The following RAPGEF4 variants were observed in gnomAD, a reference collection of about 807,000 sequenced individuals.
RAPGEF4 encodes the protein Rap guanine nucleotide exchange factor 4.
Under a neutral mutation model 147.9 loss-of-function variants are expected in RAPGEF4, and 66 were observed. That is an observed-to-expected ratio of 0.45 (90% CI 0.37 to 0.55). RAPGEF4 has a LOEUF of 0.55. Among genes scored for constraint, RAPGEF4 ranks in the 20% least tolerant of loss-of-function variants. The pLI, the probability that RAPGEF4 is intolerant of heterozygous loss-of-function variation, is 0.00. For missense variants in RAPGEF4, 1,071 were observed against 1,257.3 expected, an observed-to-expected ratio of 0.85 and a Z score of 2.24; for synonymous variants, 419 against 442.7, an observed-to-expected ratio of 0.95 and a Z score of 0.67.
intron 7 of RAPGEF4, 147 bp from the exon 8 acceptor site, chr2:172,960,975 C>A: frequency 2.4e-6 from 2 of 817,014 alleles, no homozygotes. Flanking sequence ...AGTGACATAT[C>A]ACACAAGTGA....
intron 22 of RAPGEF4, among the ~76,000 whole-genome samples, 160 bp downstream of exon 22, chr2:173,018,962 G>C (rs777036289): frequency 4.6e-5 from 7 of 152,172 alleles, no homozygotes; most frequent in Non-Finnish European, 1.0e-4. Context: ...GGGTAGAGGT[G>C]GGTTGGGTTT....
intron 4 of RAPGEF4, among the ~76,000 whole-genome samples, chr2:172,865,951 T>C (rs985994868): frequency 6.6e-6 from 1 of 152,164 alleles, no homozygotes; most frequent in Non-Finnish European, 1.5e-5. Context: ...AAGAGGTTTT[T>C]CCTCCCGTGA....
intron 1 of RAPGEF4, among the ~76,000 whole-genome samples, chr2:172,753,143 A>G (rs562361717): frequency 1.3e-5 from 2 of 152,302 alleles, no homozygotes; most frequent in East Asian, 3.9e-4. Context: ...ACAGGAATAA[A>G]AAATGGACAT....
At chr2:173,034,190 A>G (rs577301693) in intron 27 of RAPGEF4, among the ~76,000 whole-genome samples, 1 of 152,348 alleles carries the variant, frequency 6.6e-6, no homozygotes, top group South Asian at 2.1e-4. Flanking sequence ...AATTTGTATA[A>G]CTAAGAAAAG....
chr2:172,971,846 A>G (rs1039945272), intron 10 of RAPGEF4, among the ~76,000 whole-genome samples: 28 of 152,156 alleles, frequency 1.8e-4, no homozygotes, highest in Non-Finnish European at 2.9e-4. Flanking sequence ...AAGAATTGCC[A>G]GTATCATTGT....
At chr2:173,033,398 A>G (rs1312748883) in intron 26 of RAPGEF4, among the ~76,000 whole-genome samples, 2 of 152,182 alleles carry the variant, frequency 1.3e-5, no homozygotes, top group Non-Finnish European at 2.9e-5. Flanking sequence ...AGGGAGTACT[A>G]TGTACCCAGT....
intron 30 of RAPGEF4, 26 bp downstream of exon 30, chr2:173,048,680 C>A: frequency 6.2e-7 from 1 of 1,614,038 alleles, no homozygotes; most frequent in Non-Finnish European, 8.5e-7. Context: ...CCACCTCTTA[C>A]AATGTAGATG....
intron 4 of RAPGEF4, among the ~76,000 whole-genome samples, chr2:172,852,526 A>C (rs889469409): frequency 6.6e-6 from 1 of 152,138 alleles, no homozygotes. Flanking sequence ...TACTAGTGTT[A>C]CCCTGTTTCA....
At position 172,983,530 on chromosome 2, in the gene RAPGEF4, A is replaced by T. The variant is rs769467653; in HGVS notation, c.1039A>T (p.Ile347Phe). 1 of 1,612,048 alleles carries T rather than the reference A, an allele frequency of 6.2e-7. No homozygotes were observed. Among genetic ancestry groups the T allele is most frequent in the Non-Finnish European group, 8.5e-7 (1 of 1,179,784 alleles). The change falls in exon 11 of 31, where the codon ATC (isoleucine) becomes TTC (phenylalanine). Residue 347 changes from isoleucine to phenylalanine, a missense_variant. Physicochemically the swap from Ile to Phe is conservative, Grantham distance 21. Coordinates refer to ENST00000397081, the MANE Select transcript of RAPGEF4 (RefSeq NM_007023.4). ...GQRTVDDLEI[I>F]YEELLHIKAL... is the part of the protein sequence containing the mutation. The stretch of plus-strand genomic sequence containing the variant: ...GAGGACTGTGGATGACCTAGAGATT[A>T]TCTATGAGGAGCTTCTTCATATTAA...
intron 10 of RAPGEF4, among the ~76,000 whole-genome samples, chr2:172,967,962 T>C (rs540110949): frequency 2.0e-5 from 3 of 152,318 alleles, no homozygotes; most frequent in South Asian, 4.2e-4. Context: ...AAGGCCCCCA[T>C]TGAGCCACTG....
At chr2:172,784,187 C>T (rs1037614498) in intron 1 of RAPGEF4, among the ~76,000 whole-genome samples, 4 of 152,086 alleles carry the variant, frequency 2.6e-5, no homozygotes, top group South Asian at 2.1e-4. Flanking sequence ...GTACTTTATT[C>T]GCCTGTCATA....
chr2:172,922,054 C>T (rs778612063), intron 5 of RAPGEF4, among the ~76,000 whole-genome samples: 8 of 152,136 alleles, frequency 5.3e-5, no homozygotes, highest in Non-Finnish European at 1.2e-4. Context: ...GCAAAATAAG[C>T]CTGGGTTTTG....
intron 4 of RAPGEF4, among the ~76,000 whole-genome samples, chr2:172,835,523 C>T (rs1333489613): frequency 1.3e-5 from 2 of 152,108 alleles, no homozygotes; most frequent in Non-Finnish European, 2.9e-5. Context: ...GAAGTTTGTA[C>T]CTCAGTTTTC....
intron 3 of RAPGEF4, among the ~76,000 whole-genome samples, chr2:172,810,359 T>C (rs1193467171): frequency 1.3e-5 from 2 of 152,238 alleles, no homozygotes; most frequent in Admixed American, 1.3e-4. Context: ...CATTATCTCA[T>C]TCACCTGTTG....
chr2:172,738,796 G>C (rs1228590138), intron 1 of RAPGEF4, among the ~76,000 whole-genome samples: 1 of 152,110 alleles, frequency 6.6e-6, no homozygotes, highest in Non-Finnish European at 1.5e-5. Flanking sequence ...CCTCATTCAA[G>C]TGACAACTGT....
At chr2:172,866,454 T>C (rs1694658430) in intron 4 of RAPGEF4, among the ~76,000 whole-genome samples, 1 of 152,200 alleles carries the variant, frequency 6.6e-6, no homozygotes, top group Non-Finnish European at 1.5e-5. Flanking sequence ...TTAGTCTCTG[T>C]AGGCTTATCT....
rs1033041861 is a variant in RAPGEF4 at position 172,771,734 on chromosome 2, C to T, written c.66-23291C>T. Reference sequence around the variant, plus strand: ...AGCTAGTATTACAGATGTACACCACCGTTCCTGGCTTTAAAATTATTTTTA... The same window carrying T: ...AGCTAGTATTACAGATGTACACCACTGTTCCTGGCTTTAAAATTATTTTTA... On this transcript the variant is annotated intron_variant, in intron 1 of 30. Transcript: ENST00000397081. Among the ~76,000 whole-genome samples the T allele has an allele frequency of 5.9e-5, 9 of 152,144 alleles. No individual in the cohort carries two copies. The South Asian group carries it at 8.3e-4, about 14-fold the overall frequency.
chr2:172,947,898 G>T (rs1283472459), intron 6 of RAPGEF4, among the ~76,000 whole-genome samples: 1 of 152,072 alleles, frequency 6.6e-6, no homozygotes, highest in Non-Finnish European at 1.5e-5. Context: ...CATATAAACA[G>T]CATTTAGATC....
chr2:172,923,744 A>G (rs932279276), intron 6 of RAPGEF4, among the ~76,000 whole-genome samples: 2 of 152,216 alleles, frequency 1.3e-5, no homozygotes, highest in African/African-American at 4.8e-5. Flanking sequence ...GAAATTATGA[A>G]TATTGAATGA....
Sources: allele counts gnomAD v4.1 joint callset (sites outside exome capture counted in the v4.1 genomes callset), GRCh38; gene constraint gnomAD v4.1.1; transcripts MANE v1.5; gene names NCBI Gene and HGNC (gene_info 2026-07-23, HGNC 2026-07-21).